The following NRCAM variants were observed in gnomAD, a reference collection of about 807,000 sequenced individuals.
The protein encoded by NRCAM is NgCAM-related cell adhesion molecule.
Under a neutral mutation model 156.5 loss-of-function variants are expected in NRCAM, and 83 were observed. The ratio of observed to expected loss-of-function variants is 0.53; its 90% CI spans 0.44 to 0.64. The LOEUF is 0.64. Among genes scored for constraint, NRCAM ranks in the 30% least tolerant of loss-of-function variants. The pLI, the probability that NRCAM is intolerant of heterozygous loss-of-function variation, is 0.00. For synonymous variants in NRCAM, 538 were observed against 563.9 expected (o/e 0.95, Z 0.65); for missense variants, 1,417 against 1,597.3 (o/e 0.89, Z 1.92).
chr7:108,155,076 G>T lies in NRCAM; in HGVS notation c.3677+4387C>A, dbSNP rs575032190. Among the ~76,000 whole-genome samples, 7 of 130,164 alleles carry T rather than the reference G, an allele frequency of 5.4e-5. 1 individual carries two copies. Among genetic ancestry groups the T allele is most frequent in the African/African-American group, 2.0e-4 (7 of 34,848 alleles). 85.4% of individuals were successfully genotyped at this position (130,164 alleles called of 152,430 possible). A position where few individuals can be genotyped will look rare whatever the true frequency, so the allele number is the denominator to read the frequency against. ...TATGAATCAAGAAGTCATAGAAGAT[G>T]ATTTAAAAGTCATATATATATATAT... On this transcript the variant is annotated intron_variant, in intron 32 of 32. Transcript: ENST00000379028.
intron 11 of NRCAM, among the ~76,000 whole-genome samples, chr7:108,221,188 C>A (rs2092130840): frequency 1.3e-5 from 2 of 151,966 alleles, no homozygotes; most frequent in African/African-American, 4.8e-5. Flanking sequence ...ACCAAAAAAT[C>A]AAAAAAACAG....
intron 2 of NRCAM, among the ~76,000 whole-genome samples, chr7:108,347,463 G>C (rs575028364): frequency 6.6e-6 from 1 of 152,162 alleles, no homozygotes; most frequent in East Asian, 1.9e-4. Context: ...CTCTGTCTAG[G>C]CTAATCAGAA....
intron 20 of NRCAM, among the ~76,000 whole-genome samples, chr7:108,186,618 C>G (rs112133831): frequency 0.011 from 1,600 of 152,226 alleles, 30 homozygotes; most frequent in African/African-American, 0.036. Flanking sequence ...CTTAGTGTCT[C>G]CATAATTTAT....
chr7:108,191,471 A>G (rs559174474), intron 18 of NRCAM, among the ~76,000 whole-genome samples, 188 bp from the exon 19 acceptor site: 11 of 152,294 alleles, frequency 7.2e-5, no homozygotes, highest in Admixed American at 5.2e-4. Flanking sequence ...TTTTAGATAC[A>G]AGTAGATCAT....
chr7:108,318,797 A>G (rs1171753792), intron 2 of NRCAM, among the ~76,000 whole-genome samples: 1 of 152,214 alleles, frequency 6.6e-6, no homozygotes, highest in Non-Finnish European at 1.5e-5. Flanking sequence ...TAGCCATCCT[A>G]GCCCTGGAAC....
chr7:108,220,102 T>C (rs1355984929), intron 11 of NRCAM, among the ~76,000 whole-genome samples: 3 of 142,354 alleles, frequency 2.1e-5, no homozygotes, highest in South Asian at 2.3e-4. Flanking sequence ...CCCTTTATAA[T>C]AGCTGCCAAA....
intron 1 of NRCAM, among the ~76,000 whole-genome samples, chr7:108,415,522 G>A (rs1800461294): frequency 6.6e-6 from 1 of 152,154 alleles, no homozygotes; most frequent in Non-Finnish European, 1.5e-5. Context: ...AAAGAAGCAT[G>A]ATAAAAAGAG....
chr7:108,191,877 C>T, intron 17 of NRCAM, 24 bp from the exon 18 acceptor site: 3 of 1,607,320 alleles, frequency 1.9e-6, no homozygotes, highest in Non-Finnish European at 2.6e-6. Context: ...GCATTCAGAG[C>T]AGCTGAAATG....
intron 11 of NRCAM, 83 bp from the exon 12 acceptor site, chr7:108,209,688 G>A (rs913955332): frequency 1.1e-6 from 1 of 937,392 alleles, no homozygotes; most frequent in Non-Finnish European, 1.6e-6. Context: ...ATGCAACTTT[G>A]TAACAAATCT....
chr7:108,321,845 T>C (rs904586605), intron 2 of NRCAM, among the ~76,000 whole-genome samples: 3 of 152,220 alleles, frequency 2.0e-5, no homozygotes, highest in Non-Finnish European at 4.4e-5. Context: ...CAAACAAACT[T>C]TTATATGCCC....
At chr7:108,199,487 C>T (rs941508327) in intron 13 of NRCAM, among the ~76,000 whole-genome samples, 4 of 152,186 alleles carry the variant, frequency 2.6e-5, no homozygotes, top group South Asian at 2.1e-4. Context: ...AAAACCAATG[C>T]GTGAGCAGAG....
intron 28 of NRCAM, among the ~76,000 whole-genome samples, chr7:108,169,673 C>T (rs1250365459): frequency 6.6e-6 from 1 of 152,148 alleles, no homozygotes; most frequent in Non-Finnish European, 1.5e-5. Context: ...TATGCAGAGT[C>T]CTTCTGTGGA....
At chr7:108,171,430 C>G (rs1031529082) in intron 28 of NRCAM, among the ~76,000 whole-genome samples, 30 of 152,186 alleles carry the variant, frequency 2.0e-4, no homozygotes, top group African/African-American at 6.5e-4. Flanking sequence ...CACACACTCT[C>G]TACAAGTCAG....
chr7:108,209,621 A>T lies in NRCAM; in HGVS notation c.891-16T>A. ...TGGGGTAGGCCTGATAGGATAAATA[A>T]ATAATGATGTTACAAAAAAGGAATC... On this transcript the variant is annotated splice_polypyrimidine_tract_variant and intron_variant, in intron 11 of 32. Coordinates refer to ENST00000379028, the MANE Select transcript of NRCAM (RefSeq NM_001037132.4). The T allele has an allele frequency of 6.5e-7, 1 of 1,549,486 alleles. No homozygotes were observed. The highest frequency in any genetic ancestry group is 1.3e-5 in the South Asian group (1 of 78,008).
intron 1 of NRCAM, among the ~76,000 whole-genome samples, chr7:108,455,650 T>G (rs1049952776): frequency 2.6e-5 from 4 of 152,236 alleles, no homozygotes; most frequent in Admixed American, 1.3e-4. Flanking sequence ...AGAAGCGAAG[T>G]CGGCCTCGCC....
intron 3 of NRCAM, among the ~76,000 whole-genome samples, chr7:108,277,869 G>A (rs1321017406): frequency 3.3e-5 from 5 of 152,128 alleles, no homozygotes; most frequent in Non-Finnish European, 7.4e-5. Flanking sequence ...CCTCATCTTT[G>A]TGGTTTTATC....
At chr7:108,254,876 CACTT>C (rs2096552192) in intron 3 of NRCAM, among the ~76,000 whole-genome samples, 1 of 152,138 alleles carries the variant, frequency 6.6e-6, no homozygotes, top group Non-Finnish European at 1.5e-5. Flanking sequence ...GTTAAACACT[CACTT>C]ACCATACAAT....
intron 11 of NRCAM, among the ~76,000 whole-genome samples, chr7:108,220,249 A>G (rs2153666626): frequency 6.6e-6 from 1 of 152,336 alleles, no homozygotes; most frequent in Non-Finnish European, 1.5e-5. Flanking sequence ...AGTAGAATCA[A>G]TATTGTGAAA....
intron 1 of NRCAM, among the ~76,000 whole-genome samples, chr7:108,422,978 T>C (rs568912384): frequency 2.2e-4 from 33 of 152,146 alleles, no homozygotes; most frequent in Non-Finnish European, 4.3e-4. Flanking sequence ...ACAGGCTGAG[T>C]GCAGGGGAAA....
Sources: allele counts gnomAD v4.1 joint callset (sites outside exome capture counted in the v4.1 genomes callset), GRCh38; gene constraint gnomAD v4.1.1; transcripts MANE v1.5; gene names NCBI Gene and HGNC (gene_info 2026-07-23, HGNC 2026-07-21).